The following RGPD2 variants were observed in gnomAD, a reference collection of about 807,000 sequenced individuals.
RGPD2 encodes the protein RANBP2 like and GRIP domain containing 2.
A neutral mutation model predicts 36.0 loss-of-function variants in RGPD2; 2 were observed. That is an observed-to-expected ratio of 0.06 (90% confidence interval 0.02 to 0.17). The LOEUF (loss-of-function observed/expected upper bound fraction) is 0.17, where lower values mean the gene tolerates loss of function less well. RGPD2 is among the 10% of genes least tolerant of loss of function. The probability of loss-of-function intolerance (pLI) is 1.00; values close to 1 mark genes in which losing one functional copy is unlikely to be tolerated. For synonymous variants in RGPD2, 19 were observed against 163.8 expected, an observed-to-expected ratio of 0.12 and a Z score of 6.75; for missense variants, 40 against 464.3, an observed-to-expected ratio of 0.09 and a Z score of 8.40.
chr2:87,866,960 C>T, the RGPD2 span, among the ~76,000 whole-genome samples: 1 of 152,250 alleles, frequency 6.6e-6, no homozygotes, highest in East Asian at 1.9e-4. Context: ...GGAAGAGGTT[C>T]TTCTCCACCT....
chr2:87,929,506 T>C, the RGPD2 span, among the ~76,000 whole-genome samples: 1 of 151,076 alleles, frequency 6.6e-6, no homozygotes, highest in Non-Finnish European at 1.5e-5. Flanking sequence ...TGTGTGTGTG[T>C]GTGTGTGTGT....
chr2:87,860,194 A>T, the RGPD2 span, among the ~76,000 whole-genome samples: 7 of 152,042 alleles, frequency 4.6e-5, no homozygotes, highest in South Asian at 1.5e-3. Context: ...AAACAGGAGG[A>T]ATTTGTTTCT....
At chr2:87,858,124 C>T in the RGPD2 span, among the ~76,000 whole-genome samples, 11 of 152,092 alleles carry the variant, frequency 7.2e-5, no homozygotes, top group African/African-American at 2.4e-4. Flanking sequence ...TTGAGTCATA[C>T]GTACTCAGAC....
the RGPD2 span, among the ~76,000 whole-genome samples, chr2:87,922,967 C>T: frequency 6.6e-6 from 1 of 151,720 alleles, no homozygotes; most frequent in Admixed American, 6.6e-5. Flanking sequence ...AATGTCTTTC[C>T]CCATCTTTTC....
the RGPD2 span, among the ~76,000 whole-genome samples, chr2:87,975,033 A>G: frequency 1.3e-5 from 2 of 152,032 alleles, no homozygotes; most frequent in African/African-American, 4.8e-5. Context: ...ACAATTGCCT[A>G]TTACCCCTCT....
the RGPD2 span, among the ~76,000 whole-genome samples, chr2:87,988,541 A>ATATATATTTTT: frequency 2.5e-3 from 133 of 54,150 alleles, 9 homozygotes; most frequent in East Asian, 0.04. Context: ...ATATATATAT[A>ATATATATTTTT]TTTTTTTTTT....
the RGPD2 span, among the ~76,000 whole-genome samples, chr2:87,882,352 G>T: frequency 6.6e-6 from 1 of 152,178 alleles, no homozygotes; most frequent in South Asian, 2.1e-4. Context: ...TTATTGTAGA[G>T]ATTATCCTTT....
the RGPD2 span, chr2:87,989,656 C>G: frequency 1.3e-6 from 1 of 783,736 alleles, no homozygotes; most frequent in African/African-American, 1.7e-5. Context: ...TTTGAAATGC[C>G]AGCCCACTTC....
chr2:87,812,989 T>C (rs1291147469), intron 4 of RGPD2, among the ~76,000 whole-genome samples: 2 of 149,820 alleles, frequency 1.3e-5, no homozygotes, highest in African/African-American at 4.9e-5. Context: ...ATTTTGGTCA[T>C]ACCACCGAAA....
At chr2:87,974,563 T>G in the RGPD2 span, among the ~76,000 whole-genome samples, 3 of 152,188 alleles carry the variant, frequency 2.0e-5, no homozygotes, top group Non-Finnish European at 4.4e-5. Context: ...ACACATACCT[T>G]GAGTGGTATC....
chr2:87,818,032 A>AC (rs1480909674), intron 2 of RGPD2, among the ~76,000 whole-genome samples: 1 of 125,364 alleles, frequency 8.0e-6, no homozygotes, highest in Non-Finnish European at 1.7e-5. Context: ...AAAAAAAAAA[A>AC]AAAAAAAAAA....
chr2:87,988,930 G>C, the RGPD2 span, among the ~76,000 whole-genome samples: 1 of 151,858 alleles, frequency 6.6e-6, no homozygotes, highest in Admixed American at 6.6e-5. Context: ...CTGTACTCCA[G>C]CCTTAGAGCA....
At chr2:87,844,514 C>CAGTG in the RGPD2 span, among the ~76,000 whole-genome samples, 1 of 147,798 alleles carries the variant, frequency 6.8e-6, no homozygotes, top group Non-Finnish European at 1.5e-5. Context: ...AGTGATGATT[C>CAGTG]ATGAAGGTTT....
chr2:87,826,078 T>G (rs1429005482), upstream of RGPD2: 2 of 300,584 alleles, frequency 6.7e-6, no homozygotes, highest in Non-Finnish European at 1.3e-5. Context: ...GCTGAACTTG[T>G]TCCAATCTGC....
chr2:87,977,612 G>A, the RGPD2 span, among the ~76,000 whole-genome samples: 1 of 148,788 alleles, frequency 6.7e-6, no homozygotes, highest in Non-Finnish European at 1.5e-5. Context: ...CCAGGAGTTC[G>A]AGACCAGCCT....
At chr2:87,855,351 A>G in the RGPD2 span, among the ~76,000 whole-genome samples, 2 of 150,750 alleles carry the variant, frequency 1.3e-5, no homozygotes, top group African/African-American at 2.4e-5. Flanking sequence ...CCCACCAACG[A>G]TGATTGAGAG....
At chr2:87,836,174 C>A in the RGPD2 span, among the ~76,000 whole-genome samples, 1 of 151,186 alleles carries the variant, frequency 6.6e-6, no homozygotes, top group African/African-American at 2.4e-5. Flanking sequence ...GACACATAGT[C>A]CTTGATCCTC....
intron 7 of RGPD2, among the ~76,000 whole-genome samples, chr2:87,805,686 C>T (rs1490050495): frequency 6.6e-6 from 1 of 152,164 alleles, no homozygotes; most frequent in Non-Finnish European, 1.5e-5. Flanking sequence ...GGTGAAACCC[C>T]GTCTCTACTA....
At chr2:87,963,679 CAAAAAAAAAAA>C in the RGPD2 span, among the ~76,000 whole-genome samples, 1 of 54,290 alleles carries the variant, frequency 1.8e-5, no homozygotes, top group Non-Finnish European at 3.1e-5. Flanking sequence ...GACCCTGTCT[CAAAAAAAAAAA>C]AAAAAAAAAA....
Sources: gnomAD v4.1 joint callset for allele counts (sites outside exome capture counted in the v4.1 genomes callset) on GRCh38, gnomAD v4.1.1 for gene constraint, MANE v1.5 for transcripts, NCBI Gene and HGNC (gene_info 2026-07-23, HGNC 2026-07-21) for gene names.